Variants in DOCK4 observed in about 807,000 individuals in gnomAD.
DOCK4 encodes the protein dedicator of cytokinesis protein 4.
A neutral mutation model predicts 268.1 loss-of-function variants in DOCK4; 97 were observed. That is an observed-to-expected ratio of 0.36 (90% CI 0.31 to 0.43). The LOEUF is 0.43. DOCK4 is among the 20% of genes least tolerant of loss of function. The pLI, the probability that DOCK4 is intolerant of heterozygous loss-of-function variation, is 1.00. For missense variants in DOCK4, 2,145 were observed against 2,455.7 expected, an observed-to-expected ratio of 0.87 and a Z score of 2.67; for synonymous variants, 954 against 887.2, an observed-to-expected ratio of 1.08 and a Z score of -1.34.
chr7:111,865,746 C>T (rs1805922289), intron 22 of DOCK4, among the ~76,000 whole-genome samples: 1 of 152,178 alleles, frequency 6.6e-6, no homozygotes, highest in Admixed American at 6.5e-5. Flanking sequence ...TGGCTGGTAG[C>T]AGGAGAAGTA....
intron 1 of DOCK4, among the ~76,000 whole-genome samples, chr7:112,081,458 A>C (rs1286801230): frequency 6.6e-6 from 1 of 152,148 alleles, no homozygotes; most frequent in Non-Finnish European, 1.5e-5. Context: ...CCTGACACGA[A>C]AAGTGCAGAT....
intron 1 of DOCK4, among the ~76,000 whole-genome samples, chr7:112,128,023 T>C (rs57944811): frequency 0.07 from 10,689 of 152,222 alleles, 1,270 homozygotes; most frequent in African/African-American, 0.24. Context: ...AGCGAGACTC[T>C]GTCGGGGGTG....
chr7:111,739,900 G>T (rs1268611943), intron 47 of DOCK4: 2 of 298,704 alleles, frequency 6.7e-6, no homozygotes, highest in African/African-American at 2.3e-5. Flanking sequence ...ATAGTGGTGA[G>T]GAAAATTTCA....
In DOCK4 at chr7:111,775,643, T is replaced by A. The variant is rs558331564; in HGVS notation, c.3679+2633A>T. Reference sequence around the variant, plus strand: ...CAGACAGAAAAAGCTCCAAGAAAAGTCCCTTTAGTCGGAGTACTGGGTAGA... The same window carrying A: ...CAGACAGAAAAAGCTCCAAGAAAAGACCCTTTAGTCGGAGTACTGGGTAGA... On this transcript the variant is annotated intron_variant, in intron 36 of 52. Coordinates refer to ENST00000428084, the MANE Select transcript of DOCK4 (RefSeq NM_001363540.2). Among the ~76,000 whole-genome samples the A allele has an allele frequency of 5.9e-5, 9 of 152,222 alleles. No individual in the cohort carries two copies. In the South Asian group the frequency reaches 1.9e-3, roughly 32 times the overall value.
At chr7:111,887,993 T>A (rs138970635) in intron 16 of DOCK4, among the ~76,000 whole-genome samples, 148 of 152,024 alleles carry the variant, frequency 9.7e-4, no homozygotes, top group African/African-American at 3.4e-3. Context: ...AGTTTGCAGG[T>A]GGCAAGGAGA....
chr7:111,865,743 T>A (rs1805921151), intron 22 of DOCK4, among the ~76,000 whole-genome samples: 1 of 152,224 alleles, frequency 6.6e-6, no homozygotes, highest in East Asian at 1.9e-4. Context: ...CTCTGGCTGG[T>A]AGCAGGAGAA....
At chr7:111,952,865 A>C (rs1796161099) in intron 8 of DOCK4, among the ~76,000 whole-genome samples, 1 of 152,180 alleles carries the variant, frequency 6.6e-6, no homozygotes, top group Admixed American at 6.5e-5. Context: ...AACCAATTTT[A>C]CAAAAACAAA....
intron 24 of DOCK4, among the ~76,000 whole-genome samples, chr7:111,846,295 C>T (rs116411596): frequency 0.014 from 2,061 of 152,320 alleles, 54 homozygotes; most frequent in African/African-American, 0.047. Flanking sequence ...AAATGGTTAA[C>T]AGTTGCATAT....
intron 12 of DOCK4, among the ~76,000 whole-genome samples, chr7:111,917,104 C>G (rs1792671614): frequency 6.6e-6 from 1 of 150,822 alleles, no homozygotes; most frequent in South Asian, 2.1e-4. Flanking sequence ...TCTCCTGCCT[C>G]AGCCTCCTGA....
chr7:112,151,868 CT>C (rs1816125596), intron 1 of DOCK4, among the ~76,000 whole-genome samples: 1 of 151,016 alleles, frequency 6.6e-6, no homozygotes, highest in Non-Finnish European at 1.5e-5. Flanking sequence ...AAACCTGTGC[CT>C]GGCTTTAGAT....
chr7:111,968,652 C>T (rs1224894644), intron 8 of DOCK4, among the ~76,000 whole-genome samples: 5 of 121,202 alleles, frequency 4.1e-5, no homozygotes, highest in South Asian at 2.6e-4. Context: ...GTCAGTGTGG[C>T]GATTCCTCAG....
At chr7:111,872,211 G>C in intron 19 of DOCK4, 58 bp downstream of exon 19, 19 of 1,399,068 alleles carry the variant, frequency 1.4e-5, no homozygotes, top group Non-Finnish European at 1.8e-5. Context: ...CCAGCCTCAT[G>C]AAAGTCAAGA....
chr7:112,127,654 A>AAAAAAT (rs1010847197), intron 1 of DOCK4, among the ~76,000 whole-genome samples: 3 of 152,178 alleles, frequency 2.0e-5, no homozygotes, highest in Non-Finnish European at 4.4e-5. Flanking sequence ...TTTTATAGCA[A>AAAAAAT]AAAAATAAAA....
intron 1 of DOCK4, among the ~76,000 whole-genome samples, chr7:112,166,830 ATTC>A (rs911645804): frequency 1.6e-4 from 24 of 152,044 alleles, no homozygotes; most frequent in East Asian, 3.9e-4. Context: ...TCTGTTTTAA[ATTC>A]TTCTTTTTTT....
At chr7:112,129,299 A>C (rs1813577713) in intron 1 of DOCK4, among the ~76,000 whole-genome samples, 1 of 152,226 alleles carries the variant, frequency 6.6e-6, no homozygotes, top group Non-Finnish European at 1.5e-5. Flanking sequence ...AATTCCATTT[A>C]TATAACATTC....
intron 8 of DOCK4, among the ~76,000 whole-genome samples, chr7:111,976,269 T>TTATATATATATA (rs60146972): frequency 1.5e-4 from 5 of 33,142 alleles, no homozygotes; most frequent in South Asian, 1.5e-3. Flanking sequence ...TGTGTGTCTA[T>TTATATATATATA]TATATATATA....
chr7:111,795,020 G>A (rs944886385), intron 30 of DOCK4, among the ~76,000 whole-genome samples: 8 of 152,224 alleles, frequency 5.3e-5, no homozygotes, highest in African/African-American at 1.9e-4. Flanking sequence ...TGGAAAGGAA[G>A]AGGGATTTTT....
intron 1 of DOCK4, among the ~76,000 whole-genome samples, chr7:112,124,077 T>C (rs1397639129): frequency 6.6e-6 from 1 of 152,094 alleles, no homozygotes; most frequent in Non-Finnish European, 1.5e-5. Context: ...CAGGCTGGAA[T>C]GCAGTGGAGC....
At chr7:111,814,027 T>TA (rs1748050734) in intron 27 of DOCK4, among the ~76,000 whole-genome samples, 2 of 152,156 alleles carry the variant, frequency 1.3e-5, no homozygotes, top group Admixed American at 1.3e-4. Flanking sequence ...GGGTTTACAT[T>TA]AAAAATCACC....
Sources: gnomAD v4.1 joint callset for allele counts (sites outside exome capture counted in the v4.1 genomes callset) on GRCh38, gnomAD v4.1.1 for gene constraint, MANE v1.5 for transcripts, NCBI Gene and HGNC (gene_info 2026-07-23, HGNC 2026-07-21) for gene names.